The following NRXN1 variants were observed in gnomAD, a reference collection of about 807,000 sequenced individuals.
NRXN1 encodes the protein neurexin 1.
In NRXN1, 39 loss-of-function variants were observed where a neutral mutation model predicts 150.9. That is an observed-to-expected ratio of 0.26 (90% confidence interval 0.20 to 0.34). The LOEUF (loss-of-function observed/expected upper bound fraction) is 0.34. Among genes scored for constraint, NRXN1 ranks in the 10% least tolerant of loss-of-function variants. NRXN1 has a pLI of 1.00. For synonymous variants in NRXN1, 924 were observed against 757.0 expected (o/e 1.22, Z -3.62); for missense variants, 1,815 against 1,949.9 (o/e 0.93, Z 1.30).
chr2:49,956,282 A>C (rs776338230), intron 21 of NRXN1, among the ~76,000 whole-genome samples: 2 of 152,182 alleles, frequency 1.3e-5, no homozygotes, highest in Admixed American at 6.6e-5. Flanking sequence ...TCCAAATGCA[A>C]GGGATTGACA....
chr2:50,240,514 C>G (rs1287594706), intron 17 of NRXN1, among the ~76,000 whole-genome samples: 1 of 151,650 alleles, frequency 6.6e-6, no homozygotes, highest in East Asian at 1.9e-4. Context: ...AAATTACTCT[C>G]ATAATCAAAT....
intron 18 of NRXN1, among the ~76,000 whole-genome samples, chr2:50,096,538 C>A (rs1223052261): frequency 6.6e-6 from 1 of 152,168 alleles, no homozygotes; most frequent in Non-Finnish European, 1.5e-5. Flanking sequence ...AACCAGAAGT[C>A]ATTTCACTGG....
intron 5 of NRXN1, chr2:50,912,165 A>G (rs545349902): frequency 2.6e-5 from 4 of 152,040 alleles, no homozygotes; most frequent in African/African-American, 9.6e-5. Context: ...CAATGAGTTG[A>G]TAGCACTAGT....
At chr2:50,367,812 T>A (rs919129661) in intron 17 of NRXN1, among the ~76,000 whole-genome samples, 5 of 152,062 alleles carry the variant, frequency 3.3e-5, no homozygotes, top group African/African-American at 1.2e-4. Flanking sequence ...ACCACCTATT[T>A]GGCAAATGCT....
chr2:50,856,025 C>CTTT (rs202077470), intron 5 of NRXN1, among the ~76,000 whole-genome samples: 1 of 138,730 alleles, frequency 7.2e-6, no homozygotes, highest in African/African-American at 2.6e-5. Flanking sequence ...CACGAGTAGC[C>CTTT]TTTTTTTTTT....
At chr2:50,300,557 AT>A (rs1262751282) in intron 17 of NRXN1, among the ~76,000 whole-genome samples, 1 of 152,066 alleles carries the variant, frequency 6.6e-6, no homozygotes, top group Non-Finnish European at 1.5e-5. Flanking sequence ...TAAAGAAGGA[AT>A]TTTTCAGTCT....
At chr2:50,363,351 G>C (rs2079356531) in intron 17 of NRXN1, among the ~76,000 whole-genome samples, 2 of 152,114 alleles carry the variant, frequency 1.3e-5, no homozygotes, top group South Asian at 4.1e-4. Context: ...ATCTGGCAAA[G>C]GGCTAATCTC....
chr2:50,925,096 G>A (rs1686660340), intron 3 of NRXN1, among the ~76,000 whole-genome samples: 1 of 151,782 alleles, frequency 6.6e-6, no homozygotes, highest in Non-Finnish European at 1.5e-5. Context: ...GAATATATAA[G>A]TTGATAGAAC....
At chr2:50,762,603 G>A (rs1473610063) in intron 5 of NRXN1, among the ~76,000 whole-genome samples, 1 of 151,848 alleles carries the variant, frequency 6.6e-6, no homozygotes, top group Non-Finnish European at 1.5e-5. Flanking sequence ...TTGGTTCACT[G>A]TTGCTGCATT....
chr2:51,014,188 T>G (rs1668317520), intron 2 of NRXN1, among the ~76,000 whole-genome samples: 1 of 152,046 alleles, frequency 6.6e-6, no homozygotes, highest in Admixed American at 6.6e-5. Context: ...TGTAACACAT[T>G]TTTGGAACTA....
At chr2:50,662,726 C>A (rs1426940701) in intron 5 of NRXN1, among the ~76,000 whole-genome samples, 2 of 151,900 alleles carry the variant, frequency 1.3e-5, no homozygotes, top group African/African-American at 4.8e-5. Context: ...AGTAGTAAAT[C>A]CTGAACCTCT....
At chr2:50,963,211 G>T (rs1300903099) in intron 2 of NRXN1, among the ~76,000 whole-genome samples, 2 of 151,568 alleles carry the variant, frequency 1.3e-5, no homozygotes, top group African/African-American at 4.8e-5. Flanking sequence ...TTACCAGGAT[G>T]CTGCTGCCTA....
intron 8 of NRXN1, among the ~76,000 whole-genome samples, chr2:50,600,212 A>G (rs546196258): frequency 6.6e-6 from 1 of 152,084 alleles, no homozygotes; most frequent in South Asian, 2.1e-4. Flanking sequence ...TGACAATTGT[A>G]GTTACATCCT....
rs140574449 is a variant in NRXN1, at chr2:50,223,172, A to G, written c.3546+13617T>C. 3.6e-4 allele frequency among the ~76,000 whole-genome samples: 54 copies of G among 152,058 alleles called. 1 individual carries two copies. The highest frequency in any genetic ancestry group is 1.3e-3 in the African/African-American group (53 of 41,542). ...TAGTTTATGTCTGGATGCTTAGAAG[A>G]ATACCAAAAAATTAGTAAGTTAAAA... On this transcript the variant is annotated intron_variant, in intron 18 of 22. Coordinates refer to ENST00000401669, the MANE Select transcript of NRXN1 (RefSeq NM_001330078.2).
intron 17 of NRXN1, among the ~76,000 whole-genome samples, chr2:50,262,996 C>T (rs1034462824): frequency 6.6e-6 from 1 of 152,014 alleles, no homozygotes; most frequent in South Asian, 2.1e-4. Flanking sequence ...GCCCTTAGAC[C>T]TTTCACATCA....
chr2:51,002,731 T>C (rs1700230344), intron 2 of NRXN1, among the ~76,000 whole-genome samples: 1 of 151,920 alleles, frequency 6.6e-6, no homozygotes, highest in Non-Finnish European at 1.5e-5. Context: ...TGAAGTGTTA[T>C]TTTCTTTGCT....
chr2:50,183,525 G>A (rs933994588), intron 18 of NRXN1, among the ~76,000 whole-genome samples: 1 of 151,468 alleles, frequency 6.6e-6, no homozygotes, highest in Admixed American at 6.6e-5. Flanking sequence ...AACTGTGTTT[G>A]TAAAAAAAAT....
At chr2:50,267,884 A>T (rs904605673) in intron 17 of NRXN1, among the ~76,000 whole-genome samples, 13 of 144,070 alleles carry the variant, frequency 9.0e-5, no homozygotes, top group African/African-American at 2.5e-4. Context: ...GGAAGTGATT[A>T]AAAAAAAAAA....
chr2:50,750,049 T>A (rs1700412333), intron 5 of NRXN1, among the ~76,000 whole-genome samples: 1 of 152,094 alleles, frequency 6.6e-6, no homozygotes, highest in African/African-American at 2.4e-5. Context: ...CTTGTCAAGA[T>A]GCAGAAGTAA....
Sources: gnomAD v4.1 joint callset for allele counts (sites outside exome capture counted in the v4.1 genomes callset) on GRCh38, gnomAD v4.1.1 for gene constraint, MANE v1.5 for transcripts, NCBI Gene and HGNC (gene_info 2026-07-23, HGNC 2026-07-21) for gene names.